The following TNFRSF11B variants were observed in gnomAD, a reference collection of about 807,000 sequenced individuals.
The protein encoded by TNFRSF11B is TNF receptor superfamily member 11b.
In TNFRSF11B, 16 loss-of-function variants were observed where a neutral mutation model predicts 43.4. The observed-to-expected ratio is 0.37, with a 90% CI of 0.25 to 0.56. The LOEUF (loss-of-function observed/expected upper bound fraction) is 0.56. TNFRSF11B is among the 20% of genes least tolerant of loss of function. The pLI is 0.80. For synonymous variants in TNFRSF11B, 185 were observed against 181.8 expected (o/e 1.02, Z -0.14); for missense variants, 444 against 490.1 (o/e 0.91, Z 0.89).
intron 2 of TNFRSF11B, among the ~76,000 whole-genome samples, chr8:118,931,050 G>T (rs1224493824): frequency 6.6e-6 from 1 of 152,160 alleles, no homozygotes; most frequent in Non-Finnish European, 1.5e-5. Context: ...TAATGATGGA[G>T]AAATTTGGCT....
intron 1 of TNFRSF11B, among the ~76,000 whole-genome samples, chr8:118,946,507 T>C (rs1353446260): frequency 1.3e-5 from 2 of 152,186 alleles, no homozygotes; most frequent in African/African-American, 4.8e-5. Flanking sequence ...ACCTCACTCT[T>C]TCTTCTAGCA....
intron 2 of TNFRSF11B, among the ~76,000 whole-genome samples, chr8:118,930,074 A>G (rs1203180039): frequency 2.0e-5 from 3 of 152,226 alleles, no homozygotes; most frequent in East Asian, 3.9e-4. Context: ...TGGCAGAAAA[A>G]AAGAACAGGA....
intron 1 of TNFRSF11B, among the ~76,000 whole-genome samples, chr8:118,934,595 C>T (rs1278710002): frequency 6.6e-6 from 1 of 152,112 alleles, no homozygotes; most frequent in Non-Finnish European, 1.5e-5. Context: ...TTTAGATCCC[C>T]AAAGGTCTTC....
At chr8:118,927,382 T>G (rs1163781821) in intron 3 of TNFRSF11B, among the ~76,000 whole-genome samples, 1 of 152,212 alleles carries the variant, frequency 6.6e-6, no homozygotes, top group Non-Finnish European at 1.5e-5. Flanking sequence ...GCCGTTCTAC[T>G]ACCTATATTC....
At chr8:118,951,004 A>G (rs960548730) in intron 1 of TNFRSF11B, among the ~76,000 whole-genome samples, 2 of 152,234 alleles carry the variant, frequency 1.3e-5, no homozygotes, top group African/African-American at 4.8e-5. Flanking sequence ...CATTGGTCAT[A>G]GAAAAACCTA....
intron 1 of TNFRSF11B, among the ~76,000 whole-genome samples, chr8:118,934,085 T>C (rs777048700): frequency 5.3e-5 from 8 of 152,184 alleles, no homozygotes; most frequent in Non-Finnish European, 8.8e-5. Context: ...GGTGCTCATA[T>C]TGGGGACTAA....
At chr8:118,942,238 GCCCC>G (rs11573859) in intron 1 of TNFRSF11B, among the ~76,000 whole-genome samples, 8 of 133,800 alleles carry the variant, frequency 6.0e-5, no homozygotes, top group African/African-American at 2.2e-4. Flanking sequence ...CCCATGACAG[GCCCC>G]CCCGTGTGTG....
At chr8:118,931,914 AT>A (rs1469464129) in intron 2 of TNFRSF11B, among the ~76,000 whole-genome samples, 1 of 152,130 alleles carries the variant, frequency 6.6e-6, no homozygotes, top group Non-Finnish European at 1.5e-5. Flanking sequence ...GTCTGAAGAC[AT>A]TTTTGGCTGT....
chr8:118,940,360 C>T (rs1276014632), intron 1 of TNFRSF11B, among the ~76,000 whole-genome samples: 1 of 152,112 alleles, frequency 6.6e-6, no homozygotes, highest in Non-Finnish European at 1.5e-5. Flanking sequence ...TGGGTAAGAT[C>T]TGAAAAGTGC....
At position 118,924,565 on chromosome 8, in the gene TNFRSF11B, G is replaced by C. The variant is rs1424603009; in HGVS notation, c.1015C>G (p.Gln339Glu). 1.2e-6 allele frequency: 2 copies of C among 1,614,126 alleles called. No individual in the cohort carries two copies. The highest frequency in any genetic ancestry group is 2.2e-5 in the East Asian group (1 of 44,878). The part of the protein sequence containing the change: ...LSLWRIKNGD[Q>E]DTLKGLMHAL... Reference sequence around the variant, plus strand: ...TGCATTAGGCCCTTCAAGGTGTCTTGGTCGCCATTTTTTATTCGCCACAAA... The same window carrying C: ...TGCATTAGGCCCTTCAAGGTGTCTTCGTCGCCATTTTTTATTCGCCACAAA... Residue 339 changes from glutamine to glutamate, a missense_variant, in exon 5 of 5, where the codon CAA becomes GAA. By Grantham distance (29) the Gln-to-Glu change is conservative (BLOSUM62 2). Coordinates refer to ENST00000297350, the MANE Select transcript of TNFRSF11B (RefSeq NM_002546.4).
chr8:118,938,825 T>G (rs11573878), intron 1 of TNFRSF11B, among the ~76,000 whole-genome samples: 10,703 of 152,320 alleles, frequency 0.07, 423 homozygotes, highest in South Asian at 0.092. Flanking sequence ...AGAATACACT[T>G]GGTCCAGCAA....
chr8:118,941,153 C>T (rs1451063706), intron 1 of TNFRSF11B, among the ~76,000 whole-genome samples: 1 of 152,196 alleles, frequency 6.6e-6, no homozygotes, highest in East Asian at 1.9e-4. Context: ...CATCTTTCAT[C>T]TCACATGGTG....
chr8:118,943,473 C>T (rs991121067), intron 1 of TNFRSF11B, among the ~76,000 whole-genome samples: 5 of 152,062 alleles, frequency 3.3e-5, no homozygotes, highest in Admixed American at 2.0e-4. Context: ...TCCACAGAGG[C>T]TTTCCTCTGA....
At chr8:118,935,346 T>C (rs373647112) in intron 1 of TNFRSF11B, among the ~76,000 whole-genome samples, 3 of 152,218 alleles carry the variant, frequency 2.0e-5, no homozygotes, top group East Asian at 1.9e-4. Context: ...GCATCCACTA[T>C]GTACCAGGCA....
chr8:118,949,702 C>T (rs745379768), intron 1 of TNFRSF11B, among the ~76,000 whole-genome samples: 22 of 152,160 alleles, frequency 1.4e-4, no homozygotes, highest in Non-Finnish European at 2.8e-4. Context: ...ATTACTTGCC[C>T]AATATCTGCT....
Position 118,924,692 on chromosome 8 carries a change from A to G in TNFRSF11B, c.888T>C (p.Arg296=). Residue 296 remains arginine (R), a synonymous_variant, in exon 5 of 5, where the codon CGT becomes CGC. Coordinates refer to ENST00000297350, the MANE Select transcript of TNFRSF11B (RefSeq NM_002546.4). ...GHANLTFEQL[R]SLMESLPGKK... ...TTCCCGGTAAGCTTTCCATCAAGCT[A>G]CGAAGCTGCTCGAAGGTGAGGTTAG... is the stretch of plus-strand genomic sequence containing the variant. The G allele has an allele frequency of 6.2e-7, 1 of 1,614,182 alleles. No homozygotes were observed. Among genetic ancestry groups the G allele is most frequent in the Non-Finnish European group, 8.5e-7 (1 of 1,180,040 alleles).
chr8:118,940,339 AG>A (rs1382981638), intron 1 of TNFRSF11B, among the ~76,000 whole-genome samples: 2 of 152,194 alleles, frequency 1.3e-5, no homozygotes, highest in Non-Finnish European at 2.9e-5. Flanking sequence ...AAAAAAGAAA[AG>A]GGTGTTAAAT....
intron 1 of TNFRSF11B, among the ~76,000 whole-genome samples, chr8:118,941,236 A>T (rs1204039078): frequency 6.6e-6 from 1 of 152,170 alleles, no homozygotes; most frequent in Admixed American, 6.5e-5. Flanking sequence ...CAGACAATTC[A>T]TGGGAGAAGT....
intron 1 of TNFRSF11B, among the ~76,000 whole-genome samples, chr8:118,944,566 C>T (rs1765445288): frequency 6.6e-6 from 1 of 152,106 alleles, no homozygotes; most frequent in Non-Finnish European, 1.5e-5. Context: ...ATAAACATTG[C>T]TCATGCTTTC....
Sources: allele counts gnomAD v4.1 joint callset (sites outside exome capture counted in the v4.1 genomes callset), GRCh38; gene constraint gnomAD v4.1.1; transcripts MANE v1.5; gene names NCBI Gene and HGNC (gene_info 2026-07-23, HGNC 2026-07-21).